Variants in KRT6B observed in about 807,000 individuals in gnomAD.
KRT6B encodes keratin, type II cytoskeletal 6B.
A neutral mutation model predicts 44.7 loss-of-function variants in KRT6B; 29 were observed. The ratio of observed to expected loss-of-function variants is 0.65; its 90% CI spans 0.48 to 0.88. The LOEUF (loss-of-function observed/expected upper bound fraction) is 0.88, where lower values mean the gene tolerates loss of function less well. Among genes scored for constraint, KRT6B ranks in the 40% least tolerant of loss-of-function variants. The pLI is 0.00. For synonymous variants in KRT6B, 213 were observed against 296.0 expected, an observed-to-expected ratio of 0.72 and a Z score of 2.88; for missense variants, 600 against 724.0, an observed-to-expected ratio of 0.83 and a Z score of 1.97.
chr12:52,450,823 A>G (rs2043532666), intron 1 of KRT6B, among the ~76,000 whole-genome samples: 1 of 152,264 alleles, frequency 6.6e-6, no homozygotes, highest in South Asian at 2.1e-4. Context: ...CCCACGGACC[A>G]CTGAGGTGTT....
Position 52,446,970 on chromosome 12 carries a change from G to A in KRT6B, c.*220C>T, listed in dbSNP as rs1440290556. 1 of 610,354 alleles carries A rather than the reference G, an allele frequency of 1.6e-6. No homozygotes were observed. Among genetic ancestry groups the A allele is most frequent in the Non-Finnish European group, 2.9e-6 (1 of 347,640 alleles). 37.8% of individuals were successfully genotyped at this position (610,354 alleles called of 1,614,324 possible). On this transcript the variant is annotated 3_prime_UTR_variant, in exon 9 of 9. Transcript: ENST00000252252. ...CCTGTAATAATACGGGAACTAAAAA[G>A]GACATTCGCATGTCTGAGTGCTGAT...
Position 52,450,077 on chromosome 12 carries a change from A to G in KRT6B, c.756-5T>C. The G allele has an allele frequency of 1.9e-6, 3 of 1,613,986 alleles. No homozygotes were observed. The highest frequency in any genetic ancestry group is 2.5e-6 in the Non-Finnish European group (3 of 1,179,864). ...TTGTTGATTTCATCCTCATATCTAC[A>G]GGAAGAAAGGCATGGGACACATTTG... On this transcript the variant is annotated splice_region_variant and splice_polypyrimidine_tract_variant and intron_variant, in intron 2 of 8. Coordinates refer to ENST00000252252, the MANE Select transcript of KRT6B (RefSeq NM_005555.4).
In KRT6B at chr12:52,452,096, G is replaced by A; in HGVS notation, c.-18C>T. ...CTGGCCATGGTTCCAGGAGATGAGA[G>A]GGCTTAGGAGAGTGTGAGAGGCTGG... On this transcript the variant is annotated 5_prime_UTR_variant, in exon 1 of 9. Coordinates refer to ENST00000252252, the MANE Select transcript of KRT6B (RefSeq NM_005555.4). The A allele has an allele frequency of 1.2e-6, 2 of 1,614,164 alleles. No individual in the cohort carries two copies. The highest frequency in any genetic ancestry group is 2.2e-5 in the East Asian group (1 of 44,872).
chr12:52,449,037 T>A (rs1246697352), intron 5 of KRT6B, 70 bp from the exon 6 acceptor site: 1 of 1,553,104 alleles, frequency 6.4e-7, no homozygotes, highest in East Asian at 2.3e-5. Flanking sequence ...CTTTCACTTG[T>A]GTATCATGAA....
Position 52,452,107 on chromosome 12 carries a change from A to C in KRT6B, c.-29T>G, listed in dbSNP as rs771284264. The C allele has an allele frequency of 2.5e-6, 4 of 1,613,870 alleles. No homozygotes were observed. In the Admixed American group the frequency reaches 5.0e-5, roughly 20 times the overall value. On this transcript the variant is annotated 5_prime_UTR_variant, in exon 1 of 9. Transcript: ENST00000252252. ...TCCAGGAGATGAGAGGGCTTAGGAG[A>C]GTGTGAGAGGCTGGAGGCGAGAGGG...
At chr12:52,448,772 A>G (rs1439035584) in intron 6 of KRT6B, 70 bp downstream of exon 6, 3 of 1,612,714 alleles carry the variant, frequency 1.9e-6, no homozygotes, top group Non-Finnish European at 2.5e-6. Flanking sequence ...TTACTAAATG[A>G]TGGGTGACTA....
At chr12:52,450,365 A>C in intron 2 of KRT6B, 41 bp downstream of exon 2, 1 of 1,605,216 alleles carries the variant, frequency 6.2e-7, no homozygotes, top group Admixed American at 1.7e-5. Flanking sequence ...CTGGTCACCC[A>C]ATAGTCTTGA....
chr12:52,449,989 A>T (rs748630406), intron 3 of KRT6B, 23 bp downstream of exon 3: 1 of 1,613,900 alleles, frequency 6.2e-7, no homozygotes, highest in East Asian at 2.2e-5. Flanking sequence ...AATGAATTTG[A>T]ACCCCTGGCT....
chr12:52,452,041 C>T lies in KRT6B; in HGVS notation c.38G>A (p.Ser13Asn). Residue 13 changes from serine (S) to asparagine (N), a missense_variant, in exon 1 of 9, where the codon AGC becomes AAC. This residue lies in a region of KRT6B where 78 missense variants were observed against 97.5 expected (regional missense o/e 0.80). Coordinates refer to ENST00000252252, the MANE Select transcript of KRT6B (RefSeq NM_005555.4). Reference sequence around the variant, plus strand: ...GTTGGCACTGAAACCCCGGCGGCTGCTGCTGTGGCTCCTGATGGTGGTGGA... The same window carrying T: ...GTTGGCACTGAAACCCCGGCGGCTGTTGCTGTGGCTCCTGATGGTGGTGGA... ...STSTTIRSHSSSRRGFSANSA... is the reference protein window; with the variant it reads ...STSTTIRSHSNSRRGFSANSA... The T allele has an allele frequency of 6.2e-7, 1 of 1,614,148 alleles. No homozygotes were observed. The highest frequency in any genetic ancestry group is 8.5e-7 in the Non-Finnish European group (1 of 1,180,022).
In KRT6B at chr12:52,447,164, T is replaced by C. The variant is rs752172491; in HGVS notation, c.*26A>G. On this transcript the variant is annotated 3_prime_UTR_variant, in exon 9 of 9. Transcript: ENST00000252252. ...CTGCCAGAGAGGGGCCTGAGAGCTGTGGGACTGAGAGCTGGCGGCAGCACT... is the reference window on the plus strand; with the variant it reads ...CTGCCAGAGAGGGGCCTGAGAGCTGCGGGACTGAGAGCTGGCGGCAGCACT... 1.2e-6 allele frequency: 2 copies of C among 1,613,290 alleles called. No homozygotes were observed. Among genetic ancestry groups the C allele is most frequent in the East Asian group, 2.2e-5 (1 of 44,862 alleles).
intron 4 of KRT6B, 33 bp from the exon 5 acceptor site, chr12:52,449,666 C>T: frequency 6.2e-7 from 1 of 1,614,212 alleles, no homozygotes; most frequent in Non-Finnish European, 8.5e-7. Context: ...ATCAACTTCA[C>T]TTCTGACATT....
chr12:52,447,375 C>A lies in KRT6B; in HGVS notation c.1510G>T (p.Gly504Cys), dbSNP rs150021015. 1.2e-6 allele frequency: 2 copies of A among 1,613,846 alleles called. No individual in the cohort carries two copies. The highest frequency in any genetic ancestry group is 1.7e-6 in the Non-Finnish European group (2 of 1,179,884). Reference sequence around the variant, plus strand: ...CCTCCACCCAGGCCTAAGCCACTGCCGACACCGCTGGCACCGCCATAGCCA... The same window carrying A: ...CCTCCACCCAGGCCTAAGCCACTGCAGACACCGCTGGCACCGCCATAGCCA... ...SSGYGGASGV[G>C]SGLGLGGGSS... The change falls in exon 9 of 9, where the codon GGC (glycine) becomes TGC (cysteine). Residue 504 changes from glycine to cysteine, a missense_variant. Around this residue, in one of 4 missense-constraint regions of KRT6B, gnomAD observed 479 missense variants for 454.2 expected, o/e 1.05. Transcript: ENST00000252252.
In KRT6B at chr12:52,449,919, C is replaced by A. The variant is rs1484898637; in HGVS notation, c.817-66G>T. The A allele has an allele frequency of 6.8e-6, 11 of 1,613,746 alleles. No individual in the cohort carries two copies. The African/African-American group carries it at 1.3e-4, about 20-fold the overall frequency. Reference sequence around the variant, plus strand: ...CTTTCCAATCTACCCATCTTCTAGTCCTCCTGCCAATTCTCCTCTCCCAGG... The same window carrying A: ...CTTTCCAATCTACCCATCTTCTAGTACTCCTGCCAATTCTCCTCTCCCAGG... On this transcript the variant is annotated intron_variant, in intron 3 of 8. Transcript: ENST00000252252.
chr12:52,450,208 A>C lies in KRT6B; in HGVS notation c.756-136T>G. ...CTGCCACAGAGAGCCAAAGAGATGA[A>C]TTTTGCTACTACTAAATTTGCCATT... On this transcript the variant is annotated intron_variant, in intron 2 of 8. Transcript: ENST00000252252. The C allele has an allele frequency of 5.4e-6, 7 of 1,303,988 alleles. No individual in the cohort carries two copies. In the East Asian group the frequency reaches 1.1e-4, roughly 20 times the overall value. 80.8% of individuals were successfully genotyped at this position (1,303,988 alleles called of 1,614,324 possible). A position where few individuals can be genotyped will look rare whatever the true frequency, so the allele number is the denominator to read the frequency against.
rs759868107 is a variant in KRT6B at position 52,450,639 on chromosome 12, G to C, written c.541-19C>G. On this transcript the variant is annotated intron_variant, in intron 1 of 8. Transcript: ENST00000252252. ...ACCGCACCTGGAGGGGAAGCAAAAT[G>C]GTCATTTTCCAGGAAAAGGAAGGCA... 5 of 1,613,936 alleles carry C rather than the reference G, an allele frequency of 3.1e-6. No individual in the cohort carries two copies. The highest frequency in any genetic ancestry group is 1.7e-5 in the Admixed American group (1 of 60,000).
rs1222940454 is a variant in KRT6B, at chr12:52,447,064, C to CA, written c.*125dup. On this transcript the variant is annotated 3_prime_UTR_variant, in exon 9 of 9. Coordinates refer to ENST00000252252, the MANE Select transcript of KRT6B (RefSeq NM_005555.4). ...GTATTGATGAGAAGAAAAGTGAGGG[C>CA]ATCCCAGCTCTACCCGGGAGGGCAG... 8.3e-7 allele frequency: 1 copy of CA among 1,200,674 alleles called. No individual in the cohort carries two copies. The highest frequency in any genetic ancestry group is 1.5e-5 in the African/African-American group (1 of 65,548). 74.4% of individuals were successfully genotyped at this position (1,200,674 alleles called of 1,614,324 possible).
Position 52,447,052 on chromosome 12 carries a change from G to A in KRT6B, c.*138C>T. 9.3e-7 allele frequency: 1 copy of A among 1,075,830 alleles called. No individual in the cohort carries two copies. Among genetic ancestry groups the A allele is most frequent in the Non-Finnish European group, 1.3e-6 (1 of 744,494 alleles). The allele number at this position is 1,075,830 out of a possible 1,614,324, so 66.6% of individuals were successfully genotyped here. ...TCAGTGGAACAGGTATTGATGAGAA[G>A]AAAAGTGAGGGCATCCCAGCTCTAC... On this transcript the variant is annotated 3_prime_UTR_variant, in exon 9 of 9. Coordinates refer to ENST00000252252, the MANE Select transcript of KRT6B (RefSeq NM_005555.4).
Position 52,450,519 on chromosome 12 carries a change from G to T in KRT6B, c.642C>A (p.Phe214Leu), listed in dbSNP as rs752273636. 2 of 1,614,216 alleles carry T rather than the reference G, an allele frequency of 1.2e-6. No homozygotes were observed. Among genetic ancestry groups the T allele is most frequent in the Non-Finnish European group, 8.5e-7 (1 of 1,180,054 alleles). ...KTVRQNLEPL[F>L]EQYINNLRRQ... The stretch of plus-strand genomic sequence containing the variant: ...TCCTGAGGTTGTTGATGTACTGCTC[G>T]AACAACGGCTCCAGGTTCTGCCTCA... The change falls in exon 2 of 9, where the codon TTC becomes TTA. Residue 214 changes from phenylalanine (F) to leucine (L), a missense_variant. Phe to Leu is a conservative substitution (Grantham distance 22, BLOSUM62 0). This residue lies in a region of KRT6B where 479 missense variants were observed against 454.2 expected (regional missense o/e 1.05). Transcript: ENST00000252252.
chr12:52,451,058 GGTCATTCTCT>G (rs1940395991), intron 1 of KRT6B, among the ~76,000 whole-genome samples: 1 of 151,578 alleles, frequency 6.6e-6, no homozygotes, highest in South Asian at 2.1e-4. Flanking sequence ...CTGATGTTAT[GGTCATTCTCT>G]GTTTTTAAAA....
Sources: gnomAD v4.1 joint callset for allele counts (sites outside exome capture counted in the v4.1 genomes callset) on GRCh38, gnomAD v4.1.1 for gene constraint, gnomAD v4.1.1 regional missense constraint, MANE v1.5 for transcripts, NCBI Gene and HGNC (gene_info 2026-07-23, HGNC 2026-07-21) for gene names.